The following FOCAD variants were observed in gnomAD, a reference collection of about 807,000 sequenced individuals.
FOCAD encodes KIAA1797.
Under a neutral mutation model 225.6 loss-of-function variants are expected in FOCAD, and 198 were observed. That is an observed-to-expected ratio of 0.88 (90% CI 0.78 to 0.99). FOCAD has a LOEUF of 0.99. FOCAD is among the 50% of genes least tolerant of loss of function. The probability of loss-of-function intolerance (pLI) is 0.00; values close to 1 mark genes in which losing one functional copy is unlikely to be tolerated. For synonymous variants in FOCAD, 897 were observed against 755.0 expected, an observed-to-expected ratio of 1.19 and a Z score of -3.08; for missense variants, 2,713 against 2,123.6, an observed-to-expected ratio of 1.28 and a Z score of -5.46.
At chr9:20,702,609 T>A (rs1232740639) in intron 1 of FOCAD, among the ~76,000 whole-genome samples, 1 of 152,210 alleles carries the variant, frequency 6.6e-6, no homozygotes, top group Non-Finnish European at 1.5e-5. Flanking sequence ...ATGAGGTTGT[T>A]TTGAATATCG....
At chr9:20,707,580 A>G (rs1474696207) in intron 1 of FOCAD, among the ~76,000 whole-genome samples, 2 of 152,214 alleles carry the variant, frequency 1.3e-5, no homozygotes, top group Non-Finnish European at 2.9e-5. Context: ...AAAGAAAGCT[A>G]GAGAAAAGAA....
intron 1 of FOCAD, among the ~76,000 whole-genome samples, chr9:20,696,639 A>G (rs1823391603): frequency 6.6e-6 from 1 of 152,086 alleles, no homozygotes; most frequent in Non-Finnish European, 1.5e-5. Context: ...CCTCCTCTCT[A>G]CTAGAAAATA....
At chr9:20,832,738 T>G (rs1315357298) in intron 15 of FOCAD, among the ~76,000 whole-genome samples, 1 of 152,056 alleles carries the variant, frequency 6.6e-6, no homozygotes, top group Non-Finnish European at 1.5e-5. Context: ...TTATTTCACT[T>G]AGCATAATGC....
chr9:20,968,664 C>T (rs1241570132), intron 35 of FOCAD, among the ~76,000 whole-genome samples: 1 of 151,672 alleles, frequency 6.6e-6, no homozygotes, highest in Non-Finnish European at 1.5e-5. Context: ...CTGTCGAACT[C>T]CTGAAGTCAG....
Position 20,885,234 on chromosome 9 carries a change from G to A in FOCAD, c.2625+4G>A. On this transcript the variant is annotated splice_donor_region_variant and intron_variant, in intron 21 of 43. Transcript: ENST00000338382. ...TTCACTTGCTCTTGTACATGAGGTA[G>A]GTTCCCGTGTCCTCTTCTTTATGTT... The A allele has an allele frequency of 6.7e-7, 1 of 1,500,120 alleles. No individual in the cohort carries two copies. The highest frequency in any genetic ancestry group is 1.5e-5 in the South Asian group (1 of 68,534). 92.9% of individuals were successfully genotyped at this position (1,500,120 alleles called of 1,614,324 possible). A position where few individuals can be genotyped will look rare whatever the true frequency, so the allele number is the denominator to read the frequency against.
intron 16 of FOCAD, chr9:20,863,483 A>G (rs1489474429): frequency 6.6e-6 from 1 of 152,144 alleles, no homozygotes. Context: ...CACAATGAAT[A>G]AAATCAAATT....
intron 11 of FOCAD, among the ~76,000 whole-genome samples, chr9:20,801,303 C>T (rs897726620): frequency 5.9e-5 from 9 of 152,026 alleles, no homozygotes; most frequent in East Asian, 1.9e-4. Context: ...CAAGCAATGC[C>T]GTTGAAATTA....
rs190509759 is a variant in FOCAD, at chr9:20,858,279, C to T, written c.1921-4299C>T. ...TGCAATCTCACTACTTTTTATTGGC[C>T]GATTAAGGCTTTGGATTTCTTTTTT... On this transcript the variant is annotated intron_variant, in intron 15 of 43. Transcript: ENST00000338382. Among the ~76,000 whole-genome samples the T allele has an allele frequency of 2.3e-4, 35 of 151,996 alleles. No individual in the cohort carries two copies. In the South Asian group the frequency reaches 5.8e-3, roughly 25 times the overall value.
chr9:20,925,443 G>C (rs1834849067), intron 25 of FOCAD, among the ~76,000 whole-genome samples: 1 of 152,110 alleles, frequency 6.6e-6, no homozygotes, highest in Non-Finnish European at 1.5e-5. Flanking sequence ...AAACCACACA[G>C]TCCAAAGATG....
chr9:20,888,780 G>T (rs146661541), intron 21 of FOCAD, among the ~76,000 whole-genome samples: 223 of 152,144 alleles, frequency 1.5e-3, no homozygotes, highest in African/African-American at 5.2e-3. Context: ...TTTTAAAAAC[G>T]TGAGTTTCCC....
intron 1 of FOCAD, among the ~76,000 whole-genome samples, chr9:20,706,920 T>A (rs1421107347): frequency 2.0e-5 from 3 of 152,186 alleles, no homozygotes; most frequent in Non-Finnish European, 4.4e-5. Flanking sequence ...TGGTTGTGTC[T>A]AGGCTGTTGC....
At chr9:20,832,502 A>G (rs1043035521) in intron 15 of FOCAD, among the ~76,000 whole-genome samples, 6 of 152,084 alleles carry the variant, frequency 3.9e-5, no homozygotes, top group Non-Finnish European at 8.8e-5. Context: ...ATCATGGAGA[A>G]TGGAGTAATC....
intron 2 of FOCAD, among the ~76,000 whole-genome samples, chr9:20,671,115 A>T (rs1351508457): frequency 2.0e-5 from 3 of 152,032 alleles, no homozygotes; most frequent in Non-Finnish European, 2.9e-5. Flanking sequence ...TATATCATGG[A>T]TATAATATAA....
At chr9:20,689,350 A>G (rs1822844161) in intron 1 of FOCAD, among the ~76,000 whole-genome samples, 2 of 151,032 alleles carry the variant, frequency 1.3e-5, no homozygotes, top group South Asian at 4.2e-4. Context: ...GAGGAAGGGT[A>G]GAATGTGATC....
Position 20,953,820 on chromosome 9 carries a change from G to A in FOCAD, c.4132+755G>A, listed in dbSNP as rs953288290. Reference sequence around the variant, plus strand: ...TTCCTTGGCTAGGTCAGTCTTCCTTGGTTAGGTCAGTCTGGGCAAAATCAG... The same window carrying A: ...TTCCTTGGCTAGGTCAGTCTTCCTTAGTTAGGTCAGTCTGGGCAAAATCAG... On this transcript the variant is annotated intron_variant, in intron 35 of 43. Transcript: ENST00000338382. Among the ~76,000 whole-genome samples, 3 of 152,140 alleles carry A rather than the reference G, an allele frequency of 2.0e-5. No individual in the cohort carries two copies. In the South Asian group the frequency reaches 6.2e-4, roughly 32 times the overall value.
intron 15 of FOCAD, among the ~76,000 whole-genome samples, chr9:20,832,483 A>G (rs1825597937): frequency 6.6e-6 from 1 of 152,038 alleles, no homozygotes. Flanking sequence ...CGCAACATGA[A>G]ATAAGTACAT....
chr9:20,907,266 T>C, intron 22 of FOCAD, 24 bp downstream of exon 22: 1 of 1,589,314 alleles, frequency 6.3e-7, no homozygotes, highest in East Asian at 2.2e-5. Context: ...AGGATAGGTT[T>C]GCTTTGGCGA....
chr9:20,793,747 G>C (rs1018248087), intron 11 of FOCAD, among the ~76,000 whole-genome samples: 1 of 152,184 alleles, frequency 6.6e-6, no homozygotes, highest in African/African-American at 2.4e-5. Context: ...AACTCTCTAA[G>C]TGATGGGCTT....
intron 11 of FOCAD, among the ~76,000 whole-genome samples, chr9:20,795,715 CAG>C (rs1484911258): frequency 7.9e-6 from 1 of 126,424 alleles, no homozygotes; most frequent in East Asian, 2.4e-4. Flanking sequence ...ACCTGGGAGG[CAG>C]AGCTTACAGT....
Sources: gnomAD v4.1 joint callset for allele counts (sites outside exome capture counted in the v4.1 genomes callset) on GRCh38, gnomAD v4.1.1 for gene constraint, MANE v1.5 for transcripts, NCBI Gene and HGNC (gene_info 2026-07-23, HGNC 2026-07-21) for gene names.